The following TTC34 variants were observed in gnomAD, a reference collection of about 807,000 sequenced individuals.
TTC34 encodes tetratricopeptide repeat domain 34.
TTC34 carries 44 observed loss-of-function variants against 40.7 expected under a neutral mutation model. That is an observed-to-expected ratio of 1.08 (90% CI 0.85 to 1.39). The LOEUF is 1.39. Ranked by LOEUF, TTC34 falls within the 40% of genes most tolerant of loss-of-function variation. TTC34 has a pLI of 0.00. For missense variants in TTC34, 884 were observed against 838.0 expected, an observed-to-expected ratio of 1.05 and a Z score of -0.68; for synonymous variants, 422 against 398.6, an observed-to-expected ratio of 1.06 and a Z score of -0.70.
chr1:2,700,037 G>A (rs1432479074), intron 6 of TTC34, among the ~76,000 whole-genome samples: 2 of 122,812 alleles, frequency 1.6e-5, no homozygotes, highest in African/African-American at 5.3e-5. Flanking sequence ...CTGATAGCCT[G>A]GAGCAGCGCC....
intron 6 of TTC34, among the ~76,000 whole-genome samples, chr1:2,690,559 C>A (rs796674461): frequency 4.1e-5 from 4 of 98,240 alleles, no homozygotes; most frequent in East Asian, 3.7e-4. Context: ...AGCATCTGAC[C>A]GCATGGAGCA....
chr1:2,774,714 G>A (rs1642909124), intron 6 of TTC34: 1 of 82,596 alleles, frequency 1.2e-5, no homozygotes, highest in African/African-American at 4.8e-5. Flanking sequence ...CCCCAGGTGA[G>A]CATCTGACAG....
rs528050109 is a variant in TTC34, at chr1:2,684,530, T to C, written c.2227-38967A>G. On this transcript the variant is annotated intron_variant, in intron 6 of 8. Transcript: ENST00000401095. ...CGGCACCCACACCCCCAGGTGAGCA[T>C]CCGACATCCTGAAACAGCTCCCACA... Among the ~76,000 whole-genome samples, 1,335 of 143,144 alleles carry C rather than the reference T, an allele frequency of 9.3e-3. 60 individuals carry two copies. The highest frequency in any genetic ancestry group is 0.036 in the African/African-American group (1,286 of 35,446). The allele number at this position is 143,144 out of a possible 152,430, so 93.9% of individuals were successfully genotyped here.
intron 6 of TTC34, among the ~76,000 whole-genome samples, chr1:2,752,240 GCTCC>G (rs1641344832): frequency 9.2e-6 from 1 of 108,954 alleles, no homozygotes; most frequent in African/African-American, 4.2e-5. Context: ...GACTGGAACA[GCTCC>G]CAAATGCCCA....
At chr1:2,657,346 G>A (rs1370403627) in intron 6 of TTC34, among the ~76,000 whole-genome samples, 1 of 102,768 alleles carries the variant, frequency 9.7e-6, no homozygotes, top group East Asian at 2.4e-4. Context: ...CATAGCCCAA[G>A]GTGAGCATCT....
chr1:2,683,613 T>G (rs61763528), intron 6 of TTC34, among the ~76,000 whole-genome samples: 28 of 33,022 alleles, frequency 8.5e-4, no homozygotes, highest in South Asian at 2.4e-3. Context: ...GCATCTGACA[T>G]CCTTCAGCAG....
chr1:2,698,330 A>T, intron 6 of TTC34, among the ~76,000 whole-genome samples: 1 of 63,792 alleles, frequency 1.6e-5, no homozygotes, highest in African/African-American at 4.4e-5. Flanking sequence ...CCACACCCCC[A>T]GGCGAGCATC....
chr1:2,777,287 C>A (rs1458849688), intron 6 of TTC34, among the ~76,000 whole-genome samples: 7 of 140,342 alleles, frequency 5.0e-5, no homozygotes, highest in South Asian at 2.6e-4. Context: ...GAGCAGCACC[C>A]CACACCTCCA....
intron 2 of TTC34, among the ~76,000 whole-genome samples, chr1:2,790,680 C>T (rs1643653418): frequency 6.6e-6 from 1 of 152,236 alleles, no homozygotes; most frequent in South Asian, 2.1e-4. Context: ...TCAGTTACAA[C>T]GCCTTTCCCT....
At chr1:2,644,204 G>C in intron 8 of TTC34, 60 bp downstream of exon 8, 4 of 1,467,990 alleles carry the variant, frequency 2.7e-6, no homozygotes, top group Non-Finnish European at 3.7e-6. Context: ...GGGCCCGGGG[G>C]TCTCATGCCT....
chr1:2,692,461 C>A (rs1569597618), intron 6 of TTC34, among the ~76,000 whole-genome samples: 5 of 128,556 alleles, frequency 3.9e-5, no homozygotes, highest in Non-Finnish European at 8.4e-5. Context: ...GCAGCACCCA[C>A]ACCCCCAGGT....
At chr1:2,753,997 C>CT (rs1641416362) in intron 6 of TTC34, among the ~76,000 whole-genome samples, 1 of 43,610 alleles carries the variant, frequency 2.3e-5, no homozygotes, top group Non-Finnish European at 3.7e-5. Flanking sequence ...AGTATCTGTA[C>CT]GCACAGAGCA....
intron 6 of TTC34, among the ~76,000 whole-genome samples, chr1:2,750,484 C>G (rs1321225609): frequency 1.9e-5 from 2 of 104,302 alleles, no homozygotes; most frequent in Non-Finnish European, 3.7e-5. Context: ...AGCACCCACA[C>G]CCCCAGTTGA....
At chr1:2,641,528 A>G (rs1638902463) in exon 9 of TTC34, 2 of 1,535,076 alleles carry the variant, frequency 1.3e-6, no homozygotes, top group South Asian at 1.2e-5. Context: ...GAGAAGGAAC[A>G]TGCGTGCAGT....
chr1:2,759,554 C>G (rs1641622840), intron 6 of TTC34, among the ~76,000 whole-genome samples: 5 of 151,980 alleles, frequency 3.3e-5, no homozygotes, highest in African/African-American at 9.7e-5. Context: ...GAACAGCACC[C>G]ACACTCCCAG....
chr1:2,768,504 GGTGA>G (rs1641871706), intron 6 of TTC34, among the ~76,000 whole-genome samples: 1 of 151,310 alleles, frequency 6.6e-6, no homozygotes, highest in African/African-American at 2.4e-5. Flanking sequence ...CCCGCCCTCA[GGTGA>G]GTGTCTGACA....
At chr1:2,642,873 C>G (rs2100986043) in intron 8 of TTC34, among the ~76,000 whole-genome samples, 1 of 152,348 alleles carries the variant, frequency 6.6e-6, no homozygotes, top group African/African-American at 2.4e-5. Context: ...GCTGGGCTCC[C>G]GCAGGGCACA....
At chr1:2,797,945 C>G (rs1643726240) in intron 2 of TTC34, among the ~76,000 whole-genome samples, 1 of 152,032 alleles carries the variant, frequency 6.6e-6, no homozygotes, top group Non-Finnish European at 1.5e-5. Flanking sequence ...TCTCTGCAAC[C>G]CTTTCTCCCT....
rs1376095850 is a variant in TTC34 at position 2,686,164 on chromosome 1, C to T, written c.2227-40601G>A. Among the ~76,000 whole-genome samples, 2 of 134,254 alleles carry T rather than the reference C, an allele frequency of 1.5e-5. 1 individual carries two copies. Among genetic ancestry groups the T allele is most frequent in the Admixed American group, 1.5e-4 (2 of 12,960 alleles). The allele number at this position is 134,254 out of a possible 152,430, so 88.1% of individuals were successfully genotyped here. A position where few individuals can be genotyped will look rare whatever the true frequency, so the allele number is the denominator to read the frequency against. On this transcript the variant is annotated intron_variant, in intron 6 of 8. Coordinates refer to ENST00000401095, the Ensembl canonical transcript of TTC34. Reference sequence around the variant, plus strand: ...TGGTCTGGAGCAGCACGCATAACCACAGGTGAACATCGGAGAGTCTGGAGC... The same window carrying T: ...TGGTCTGGAGCAGCACGCATAACCATAGGTGAACATCGGAGAGTCTGGAGC...
Sources: allele counts gnomAD v4.1 joint callset (sites outside exome capture counted in the v4.1 genomes callset), GRCh38; gene constraint gnomAD v4.1.1; transcripts MANE v1.5; gene names NCBI Gene and HGNC (gene_info 2026-07-23, HGNC 2026-07-21).